BBS9: variants seen among roughly 807,000 people sequenced by gnomAD.
The protein encoded by BBS9 is protein PTHB1.
In BBS9, 89 loss-of-function variants were observed where a neutral mutation model predicts 117.7. That is an observed-to-expected ratio of 0.76 (90% CI 0.64 to 0.90). The LOEUF (loss-of-function observed/expected upper bound fraction) is 0.90, where lower values mean the gene tolerates loss of function less well. BBS9 is among the 40% of genes least tolerant of loss of function. BBS9 has a pLI of 0.00. For missense variants in BBS9, 982 were observed against 1,042.2 expected (o/e 0.94, Z 0.80); for synonymous variants, 379 against 370.9 (o/e 1.02, Z -0.25).
At chr7:33,133,116 G>T (rs1048694688) in intron 1 of BBS9, among the ~76,000 whole-genome samples, 2 of 151,768 alleles carry the variant, frequency 1.3e-5, no homozygotes, top group African/African-American at 4.8e-5. Context: ...CAAAATACAG[G>T]AGTGTTCTGC....
At chr7:33,154,591 A>G (rs1709749981) in intron 3 of BBS9, among the ~76,000 whole-genome samples, 1 of 152,004 alleles carries the variant, frequency 6.6e-6, no homozygotes. Flanking sequence ...TCAGCCTCCC[A>G]AGTAGCTGGG....
At chr7:33,502,341 C>T (rs770297502) in intron 19 of BBS9, among the ~76,000 whole-genome samples, 7 of 152,138 alleles carry the variant, frequency 4.6e-5, no homozygotes, top group African/African-American at 7.2e-5. Context: ...GTAGTAAATA[C>T]TTCCACCATG....
chr7:33,514,428 G>A (rs562476480), intron 20 of BBS9, among the ~76,000 whole-genome samples: 1 of 152,232 alleles, frequency 6.6e-6, no homozygotes, highest in African/African-American at 2.4e-5. Context: ...GAGTTTGATG[G>A]AAAACATAGT....
At chr7:33,348,042 C>T (rs541947475) in intron 12 of BBS9, among the ~76,000 whole-genome samples, 4 of 152,046 alleles carry the variant, frequency 2.6e-5, no homozygotes, top group Middle Eastern at 3.4e-3. Context: ...AGTTACAATC[C>T]GATGACTTTT....
At chr7:33,286,861 A>G (rs1232713601) in intron 9 of BBS9, among the ~76,000 whole-genome samples, 1 of 152,018 alleles carries the variant, frequency 6.6e-6, no homozygotes, top group Non-Finnish European at 1.5e-5. Context: ...AAAAAGAGAA[A>G]TATCTCTGTA....
chr7:33,515,299 A>G (rs1191166000), intron 20 of BBS9, among the ~76,000 whole-genome samples: 2 of 152,228 alleles, frequency 1.3e-5, no homozygotes, highest in Non-Finnish European at 2.9e-5. Context: ...GTATCCCTGA[A>G]ACTTCTTCAC....
At chr7:33,315,797 A>T (rs910389047) in intron 9 of BBS9, among the ~76,000 whole-genome samples, 2 of 152,052 alleles carry the variant, frequency 1.3e-5, no homozygotes, top group African/African-American at 4.8e-5. Flanking sequence ...TTTATTTGTG[A>T]TTTTTTTAAA....
chr7:33,281,272 T>C (rs180791272), intron 9 of BBS9, among the ~76,000 whole-genome samples: 1 of 152,016 alleles, frequency 6.6e-6, no homozygotes, highest in East Asian at 1.9e-4. Context: ...TGACCTCTTT[T>C]GGGTTCCATT....
chr7:33,176,594 A>AT (rs1463463573), intron 4 of BBS9, among the ~76,000 whole-genome samples: 1 of 152,210 alleles, frequency 6.6e-6, no homozygotes, highest in African/African-American at 2.4e-5. Context: ...AAACAAATAA[A>AT]TGCTCCTATA....
intron 20 of BBS9, among the ~76,000 whole-genome samples, chr7:33,533,149 C>G (rs1179258003): frequency 6.6e-6 from 1 of 152,202 alleles, no homozygotes; most frequent in Non-Finnish European, 1.5e-5. Context: ...CCAGTGTTAG[C>G]TGAACCCACC....
At chr7:33,603,614 A>G (rs998366260) in intron 21 of BBS9, among the ~76,000 whole-genome samples, 1 of 152,156 alleles carries the variant, frequency 6.6e-6, no homozygotes, top group African/African-American at 2.4e-5. Flanking sequence ...CTCAATAATG[A>G]TAGTTCTTGT....
intron 19 of BBS9, among the ~76,000 whole-genome samples, chr7:33,432,847 G>T (rs1834725687): frequency 6.6e-6 from 1 of 151,650 alleles, no homozygotes; most frequent in African/African-American, 2.4e-5. Context: ...TGCCCTAAAA[G>T]GTTCCCCTAC....
At chr7:33,604,824 C>T (rs1398020836) in intron 21 of BBS9, 41 bp from the exon 22 acceptor site, 1 of 1,421,980 alleles carries the variant, frequency 7.0e-7, no homozygotes, top group Admixed American at 1.8e-5. Flanking sequence ...GGCAGATTTT[C>T]TTACACATTG....
intron 21 of BBS9, among the ~76,000 whole-genome samples, chr7:33,614,311 T>C (rs1342880703): frequency 6.6e-6 from 1 of 152,104 alleles, no homozygotes; most frequent in Admixed American, 6.6e-5. Flanking sequence ...CACATGACTT[T>C]ACAGGTGAAT....
At chr7:33,299,240 T>A (rs1805888142) in intron 9 of BBS9, among the ~76,000 whole-genome samples, 1 of 152,198 alleles carries the variant, frequency 6.6e-6, no homozygotes. Context: ...ATTTTGATGA[T>A]CTGTCTTCTC....
At chr7:33,435,215 G>C (rs34355053) in intron 19 of BBS9, among the ~76,000 whole-genome samples, 340 of 152,184 alleles carry the variant, frequency 2.2e-3, no homozygotes, top group African/African-American at 8.0e-3. Flanking sequence ...GATGGTAAAA[G>C]GGAGGAAAAA....
rs1286032066 is a variant in BBS9, at chr7:33,454,807, A to G, written c.2116-50656A>G. Among the ~76,000 whole-genome samples, 4 of 152,262 alleles carry G rather than the reference A, an allele frequency of 2.6e-5. No homozygotes were observed. In the East Asian group the frequency reaches 7.7e-4, roughly 29 times the overall value. ...CAGGGAATTCTGTGCTAAAAAGAAC[A>G]TATTTAGAAGGGAAGGTGCAGTCTC... On this transcript the variant is annotated intron_variant, in intron 19 of 22. Coordinates refer to ENST00000242067, the MANE Select transcript of BBS9 (RefSeq NM_198428.3).
intron 17 of BBS9, among the ~76,000 whole-genome samples, chr7:33,374,988 T>C (rs1313926386): frequency 6.6e-6 from 1 of 152,126 alleles, no homozygotes; most frequent in African/African-American, 2.4e-5. Context: ...TCTGCTTTTC[T>C]GTCTCTCATT....
Position 33,339,435 on chromosome 7 carries a change from G to A in BBS9, c.1199-1462G>A, listed in dbSNP as rs551761853. ...AATTGAAGAATGGTTATTGGGATGG[G>A]CAATGAACAGCCATTTGTACTCTCA... On this transcript the variant is annotated intron_variant, in intron 10 of 22. Coordinates refer to ENST00000242067, the MANE Select transcript of BBS9 (RefSeq NM_198428.3). 2.0e-5 allele frequency among the ~76,000 whole-genome samples: 3 copies of A among 152,294 alleles called. No homozygotes were observed. The South Asian group carries it at 6.2e-4, about 32-fold the overall frequency.
Sources: allele counts gnomAD v4.1 joint callset (sites outside exome capture counted in the v4.1 genomes callset), GRCh38; gene constraint gnomAD v4.1.1; transcripts MANE v1.5; gene names NCBI Gene and HGNC (gene_info 2026-07-23, HGNC 2026-07-21).